The following PPP2R2B variants were observed in gnomAD, a reference collection of about 807,000 sequenced individuals.
PPP2R2B encodes serine/threonine-protein phosphatase 2A 55 kDa regulatory subunit B beta isoform.
In PPP2R2B, 5 loss-of-function variants were observed where a neutral mutation model predicts 46.0. The ratio of observed to expected loss-of-function variants is 0.11; its 90% CI spans 0.06 to 0.23. PPP2R2B has a LOEUF of 0.23. PPP2R2B is among the 10% of genes least tolerant of loss of function. The probability of loss-of-function intolerance (pLI) is 1.00; values close to 1 mark genes in which losing one functional copy is unlikely to be tolerated. For synonymous variants in PPP2R2B, 215 were observed against 206.7 expected (o/e 1.04, Z -0.34); for missense variants, 367 against 575.0 (o/e 0.64, Z 3.70).
At chr5:147,014,328 C>T (rs1384433841) in intron 1 of PPP2R2B, among the ~76,000 whole-genome samples, 11 of 149,288 alleles carry the variant, frequency 7.4e-5, no homozygotes, top group South Asian at 2.2e-4. Context: ...GTCAGTGTGG[C>T]GTTTCCTCAG....
At chr5:146,927,734 C>A (rs1763825479) in intron 1 of PPP2R2B, among the ~76,000 whole-genome samples, 3 of 151,310 alleles carry the variant, frequency 2.0e-5, no homozygotes, top group Admixed American at 2.0e-4. Flanking sequence ...GCCATACTTT[C>A]TTCTTTTTTT....
At position 146,697,424 on chromosome 5, in the gene PPP2R2B, T is replaced by C. The variant is rs1779239317; in HGVS notation, c.334+555A>G. ...ACCTATTTATGTCAACTCCTCCTCATCCAACAAATGGTGTTAAGTATGGAG... is the reference window on the plus strand; with the variant it reads ...ACCTATTTATGTCAACTCCTCCTCACCCAACAAATGGTGTTAAGTATGGAG... On this transcript the variant is annotated intron_variant, in intron 4 of 9. Transcript: ENST00000394411. Among the ~76,000 whole-genome samples the C allele has an allele frequency of 2.0e-5, 3 of 152,302 alleles. No homozygotes were observed. In the South Asian group the frequency reaches 6.2e-4, roughly 32 times the overall value.
intron 1 of PPP2R2B, among the ~76,000 whole-genome samples, chr5:146,988,115 A>G (rs1753515956): frequency 1.3e-5 from 2 of 152,038 alleles, no homozygotes; most frequent in South Asian, 4.1e-4. Context: ...ACCTAATTAT[A>G]TAAAGCAAAT....
intron 2 of PPP2R2B, among the ~76,000 whole-genome samples, chr5:146,809,918 G>A (rs900232852): frequency 4.6e-5 from 7 of 152,196 alleles, no homozygotes; most frequent in African/African-American, 1.4e-4. Flanking sequence ...ACTGGGGATA[G>A]AGATAAGTGA....
intron 2 of PPP2R2B, among the ~76,000 whole-genome samples, chr5:146,743,633 A>AAT (rs1753007920): frequency 6.6e-6 from 1 of 152,150 alleles, no homozygotes; most frequent in Admixed American, 6.5e-5. Flanking sequence ...TAATTTTATT[A>AAT]TTATTATTTC....
chr5:146,769,625 G>A (rs1016550391), intron 2 of PPP2R2B, among the ~76,000 whole-genome samples: 7 of 152,264 alleles, frequency 4.6e-5, no homozygotes, highest in African/African-American at 1.7e-4. Flanking sequence ...GCTTTACATA[G>A]GATCTATATT....
intron 7 of PPP2R2B, among the ~76,000 whole-genome samples, chr5:146,616,619 CA>C (rs1561773888): frequency 1.3e-5 from 2 of 152,018 alleles, no homozygotes; most frequent in African/African-American, 4.8e-5. Flanking sequence ...GATAGGCATA[CA>C]AAAAAGAGCT....
At chr5:146,814,936 A>G (rs903124135) in intron 2 of PPP2R2B, among the ~76,000 whole-genome samples, 2 of 152,110 alleles carry the variant, frequency 1.3e-5, no homozygotes, top group African/African-American at 4.8e-5. Flanking sequence ...TATGCCCCTC[A>G]GTTGAATTCT....
chr5:146,939,421 G>A (rs1764254790), intron 1 of PPP2R2B, among the ~76,000 whole-genome samples: 1 of 152,210 alleles, frequency 6.6e-6, no homozygotes. Context: ...GTGATGAGCA[G>A]AAGTCAAGCT....
chr5:147,072,634 A>C (rs886889657), intron 2 of PPP2R2B, among the ~76,000 whole-genome samples: 4 of 152,190 alleles, frequency 2.6e-5, no homozygotes, highest in African/African-American at 9.7e-5. Flanking sequence ...CAAAGGTGGA[A>C]TGAGATAACG....
intron 1 of PPP2R2B, among the ~76,000 whole-genome samples, chr5:146,908,941 C>G (rs571794205): frequency 7.0e-4 from 106 of 152,216 alleles, no homozygotes; most frequent in Non-Finnish European, 1.4e-3. Context: ...GCTGGGATTA[C>G]AGGGGTGGGC....
intron 5 of PPP2R2B, among the ~76,000 whole-genome samples, chr5:146,687,025 ATG>A (rs200774528): frequency 7.2e-6 from 1 of 138,970 alleles, no homozygotes; most frequent in Non-Finnish European, 1.5e-5. Context: ...GTGTGTGTGT[ATG>A]TGTGTGTGTG....
chr5:146,976,107 A>T (rs1752889375), intron 1 of PPP2R2B, among the ~76,000 whole-genome samples: 1 of 109,940 alleles, frequency 9.1e-6, no homozygotes. Context: ...TTTTTAAAAA[A>T]TTTATTATTA....
intron 2 of PPP2R2B, among the ~76,000 whole-genome samples, chr5:146,834,677 C>A (rs1268929344): frequency 6.6e-6 from 1 of 152,022 alleles, no homozygotes; most frequent in African/African-American, 2.4e-5. Flanking sequence ...AGTACACATG[C>A]AGGTTTGTTA....
chr5:146,585,698 G>A lies in PPP2R2B; in HGVS notation c.*4249C>T, dbSNP rs541799928. ...TAATGCCACCATGGGGTCTGGGAGA[G>A]GAGATAATGAGATGAGGCATGGAAA... On this transcript the variant is annotated 3_prime_UTR_variant, in exon 10 of 10. Transcript: ENST00000394411. 6.6e-6 allele frequency: 1 copy of A among 152,296 alleles called. No individual in the cohort carries two copies. The highest frequency in any genetic ancestry group is 6.5e-5 in the Admixed American group (1 of 15,296). The allele number at this position is 152,296 out of a possible 1,614,324, so 9.4% of individuals were successfully genotyped here. A position where few individuals can be genotyped will look rare whatever the true frequency, so the allele number is the denominator to read the frequency against.
intron 2 of PPP2R2B, among the ~76,000 whole-genome samples, chr5:146,741,355 A>G (rs2151220837): frequency 6.6e-6 from 1 of 152,266 alleles, no homozygotes; most frequent in East Asian, 1.9e-4. Context: ...ATTTTCTTAT[A>G]CATTAAAAAT....
intron 2 of PPP2R2B, among the ~76,000 whole-genome samples, chr5:146,839,412 C>T (rs748831911): frequency 3.3e-5 from 5 of 152,028 alleles, no homozygotes; most frequent in Non-Finnish European, 7.4e-5. Context: ...CCCAGCTACT[C>T]GGGAGGCTGG....
intron 2 of PPP2R2B, among the ~76,000 whole-genome samples, chr5:146,817,619 A>G (rs1758006543): frequency 2.0e-5 from 3 of 152,188 alleles, no homozygotes; most frequent in African/African-American, 7.2e-5. Context: ...AAAGTCTCTA[A>G]CTAGGGTTTT....
intron 1 of PPP2R2B, among the ~76,000 whole-genome samples, chr5:147,044,780 T>A (rs930993837): frequency 6.6e-6 from 1 of 152,168 alleles, no homozygotes; most frequent in Non-Finnish European, 1.5e-5. Context: ...TATAGGAATA[T>A]ATGCAGCAGA....
Sources: allele counts gnomAD v4.1 joint callset (sites outside exome capture counted in the v4.1 genomes callset), GRCh38; gene constraint gnomAD v4.1.1; transcripts MANE v1.5; gene names NCBI Gene and HGNC (gene_info 2026-07-23, HGNC 2026-07-21).